Variants in ABI3BP observed in about 807,000 individuals in gnomAD.
The protein encoded by ABI3BP is ABI family member 3 binding protein, also known as target of Nesh-SH3.
In ABI3BP, 216 loss-of-function variants were observed where a neutral mutation model predicts 268.6. The ratio of observed to expected loss-of-function variants is 0.80; its 90% CI spans 0.72 to 0.90. The LOEUF is 0.90. Among genes scored for constraint, ABI3BP ranks in the 40% least tolerant of loss-of-function variants. The pLI, the probability that ABI3BP is intolerant of heterozygous loss-of-function variation, is 0.00. For missense variants in ABI3BP, 2,090 were observed against 2,182.4 expected (o/e 0.96, Z 0.84); for synonymous variants, 730 against 730.0 (o/e 1.00, Z 0.00).
rs1030759194 is a variant in ABI3BP, at chr3:100,983,348, T to C, written c.79+9958A>G. 2.1e-4 allele frequency among the ~76,000 whole-genome samples: 32 copies of C among 152,292 alleles called. No individual in the cohort carries two copies. In the South Asian group the frequency reaches 4.4e-3, roughly 21 times the overall value. ...AAATACAAAAATCAGCTGGAATATA[T>C]AAATGTGCACAATTAAAGAAATTAT... is the stretch of plus-strand genomic sequence containing the variant. On this transcript the variant is annotated intron_variant, in intron 1 of 67. Coordinates refer to ENST00000471714, the MANE Select transcript of ABI3BP (RefSeq NM_001375547.2).
At chr3:100,846,682 T>C (rs754541782) in intron 19 of ABI3BP, 1 of 345,464 alleles carries the variant, frequency 2.9e-6, no homozygotes, top group Non-Finnish European at 5.3e-6. Flanking sequence ...TCAACAAATA[T>C]AGCATTACTA....
chr3:100,958,944 A>G (rs2077804121), intron 1 of ABI3BP, among the ~76,000 whole-genome samples: 1 of 152,166 alleles, frequency 6.6e-6, no homozygotes. Flanking sequence ...AATGCCTCCC[A>G]TGGACATTCT....
chr3:100,924,436 C>T (rs1472033796), intron 2 of ABI3BP, among the ~76,000 whole-genome samples: 3 of 152,052 alleles, frequency 2.0e-5, no homozygotes, highest in African/African-American at 7.2e-5. Flanking sequence ...GTTAGAGATG[C>T]ATACTGAAAC....
intron 9 of ABI3BP, among the ~76,000 whole-genome samples, chr3:100,869,133 C>T (rs2099082109): frequency 6.6e-6 from 1 of 151,900 alleles, no homozygotes; most frequent in Non-Finnish European, 1.5e-5. Flanking sequence ...TTTAATCGTC[C>T]AGATCCTAGA....
chr3:100,980,998 G>A (rs1334155423), intron 1 of ABI3BP, among the ~76,000 whole-genome samples: 1 of 152,196 alleles, frequency 6.6e-6, no homozygotes, highest in Non-Finnish European at 1.5e-5. Context: ...GACTGCTATT[G>A]TGCATATGTT....
In ABI3BP at chr3:100,765,962, A is replaced by G. The variant is rs779480850; in HGVS notation, c.4742-13T>C. On this transcript the variant is annotated splice_polypyrimidine_tract_variant and intron_variant, in intron 62 of 67. Transcript: ENST00000471714. The stretch of plus-strand genomic sequence containing the variant: ...ATAACTTCATATTCTGTAAAGCGAA[A>G]GAAGCCAACAGATACTTGTTTTTAT... 1.9e-6 allele frequency: 3 copies of G among 1,563,310 alleles called. No individual in the cohort carries two copies. In the East Asian group the frequency reaches 6.7e-5, roughly 35 times the overall value.
intron 2 of ABI3BP, among the ~76,000 whole-genome samples, chr3:100,903,503 T>A (rs565740621): frequency 6.6e-6 from 1 of 152,238 alleles, no homozygotes; most frequent in Non-Finnish European, 1.5e-5. Flanking sequence ...ATTAATGGAT[T>A]GATGAGTATT....
intron 63 of ABI3BP, among the ~76,000 whole-genome samples, chr3:100,756,776 G>GTTTTTTTTTTTTTTTTTTTTTTTTTTT (rs66981610): frequency 7.7e-6 from 1 of 130,654 alleles, no homozygotes; most frequent in Non-Finnish European, 1.6e-5. Flanking sequence ...TACTTTTTGG[G>GTTTTTTTTTTTTTTTTTTTTTTTTTTT]TTTTTTTTTT....
chr3:100,961,742 C>G (rs2079174298), intron 1 of ABI3BP, among the ~76,000 whole-genome samples: 1 of 152,188 alleles, frequency 6.6e-6, no homozygotes, highest in African/African-American at 2.4e-5. Flanking sequence ...GGATCCCACT[C>G]TTTAACCACA....
chr3:100,780,125 T>A lies in ABI3BP; in HGVS notation c.4240+7A>T, dbSNP rs766312058. The A allele has an allele frequency of 1.2e-6, 2 of 1,612,526 alleles. No homozygotes were observed. The highest frequency in any genetic ancestry group is 2.7e-5 in the African/African-American group (2 of 74,878). ...GCTGTCATAAAAGTCAGCATGTTATTACTTACCTGGCTTTTTAGTGGGGTG... is the reference window on the plus strand; with the variant it reads ...GCTGTCATAAAAGTCAGCATGTTATAACTTACCTGGCTTTTTAGTGGGGTG... On this transcript the variant is annotated splice_region_variant and intron_variant, in intron 58 of 67. Transcript: ENST00000471714.
intron 1 of ABI3BP, among the ~76,000 whole-genome samples, chr3:100,962,786 C>T (rs974429110): frequency 6.6e-6 from 1 of 152,168 alleles, no homozygotes; most frequent in African/African-American, 2.4e-5. Context: ...GACCTTGGGG[C>T]TCATTCTGAA....
chr3:100,976,856 G>GCAGGAC lies in ABI3BP; in HGVS notation c.79+16444_79+16449dup, dbSNP rs756921749. 8.0e-4 allele frequency among the ~76,000 whole-genome samples: 121 copies of GCAGGAC among 151,014 alleles called. 1 individual carries two copies. The highest frequency in any genetic ancestry group is 1.4e-3 in the Non-Finnish European group (94 of 67,644). ...CACAGGTCGACTCTTCTAAATGATA[G>GCAGGAC]CAGGACCAATACAGATCCACACCCT... is the stretch of plus-strand genomic sequence containing the variant. On this transcript the variant is annotated intron_variant, in intron 1 of 67. Transcript: ENST00000471714.
At chr3:100,938,423 C>T (rs1166519503) in intron 1 of ABI3BP, among the ~76,000 whole-genome samples, 1 of 151,994 alleles carries the variant, frequency 6.6e-6, no homozygotes, top group Non-Finnish European at 1.5e-5. Flanking sequence ...CCCTGTCCTG[C>T]CACCAGGAAT....
chr3:100,890,748 T>C (rs145463316), intron 4 of ABI3BP, among the ~76,000 whole-genome samples: 5 of 152,296 alleles, frequency 3.3e-5, no homozygotes, highest in East Asian at 3.9e-4. Context: ...GTGAATTTCA[T>C]AACTAACTTA....
In ABI3BP at chr3:100,896,268, T is replaced by C. The variant is rs148803607; in HGVS notation, c.461+2494A>G. ...AGATCCATGCATGGTCTGAATAGCT[T>C]GGGCCTTAGAGTCAACAGCCTGGGT... On this transcript the variant is annotated intron_variant, in intron 4 of 67. Coordinates refer to ENST00000471714, the MANE Select transcript of ABI3BP (RefSeq NM_001375547.2). 2.4e-3 allele frequency among the ~76,000 whole-genome samples: 373 copies of C among 152,284 alleles called. 1 individual carries two copies. Among genetic ancestry groups the C allele is most frequent in the African/African-American group, 8.5e-3 (353 of 41,550 alleles).
At chr3:100,791,098 A>G (rs1352331427) in intron 55 of ABI3BP, among the ~76,000 whole-genome samples, 1 of 151,926 alleles carries the variant, frequency 6.6e-6, no homozygotes, top group Non-Finnish European at 1.5e-5. Flanking sequence ...TAAACATAGT[A>G]CAAGAGCTAA....
At chr3:100,830,142 T>C (rs1230509342) in intron 32 of ABI3BP, among the ~76,000 whole-genome samples, 3 of 62,696 alleles carry the variant, frequency 4.8e-5, no homozygotes, top group African/African-American at 1.4e-4. Context: ...TATATATATA[T>C]ATATATATAT....
intron 1 of ABI3BP, among the ~76,000 whole-genome samples, chr3:100,964,457 G>A (rs1306525819): frequency 1.3e-5 from 2 of 152,128 alleles, no homozygotes; most frequent in Admixed American, 6.6e-5. Context: ...TCTCTCTATG[G>A]AGAGCGCTGT....
intron 2 of ABI3BP, among the ~76,000 whole-genome samples, chr3:100,904,520 A>G (rs1289180175): frequency 6.6e-6 from 1 of 152,234 alleles, no homozygotes; most frequent in African/African-American, 2.4e-5. Context: ...ACTCAAAGGT[A>G]GAACAAGGTA....
Sources: allele counts gnomAD v4.1 joint callset (sites outside exome capture counted in the v4.1 genomes callset), GRCh38; gene constraint gnomAD v4.1.1; transcripts MANE v1.5; gene names NCBI Gene and HGNC (gene_info 2026-07-23, HGNC 2026-07-21).